ORC4: variants seen among roughly 807,000 people sequenced by gnomAD.
The protein encoded by ORC4 is origin recognition complex subunit 4.
ORC4 carries 55 observed loss-of-function variants against 63.9 expected under a neutral mutation model. That is an observed-to-expected ratio of 0.86 (90% confidence interval 0.69 to 1.08). The LOEUF is 1.08. Among genes scored for constraint, ORC4 ranks in the 50% least tolerant of loss-of-function variants. ORC4 has a pLI of 0.00. For synonymous variants in ORC4, 150 were observed against 168.5 expected (o/e 0.89, Z 0.85); for missense variants, 511 against 504.4 (o/e 1.01, Z -0.13).
chr2:147,990,244 C>G (rs1691501849), intron 1 of ORC4, among the ~76,000 whole-genome samples: 2 of 152,160 alleles, frequency 1.3e-5, no homozygotes. Context: ...GCTAGCTAAA[C>G]AGTCAAATAA....
chr2:147,964,759 C>CT (rs754114483), intron 4 of ORC4, among the ~76,000 whole-genome samples: 1 of 150,822 alleles, frequency 6.6e-6, no homozygotes, highest in Non-Finnish European at 1.5e-5. Context: ...TAGCAGATTT[C>CT]TTTTTTTTAA....
At chr2:147,996,344 C>T (rs1478012203) in intron 1 of ORC4, among the ~76,000 whole-genome samples, 1 of 152,014 alleles carries the variant, frequency 6.6e-6, no homozygotes, top group African/African-American at 2.4e-5. Flanking sequence ...AAAAATGTAA[C>T]ACAAAAGAAA....
At chr2:147,968,211 A>G (rs1345165419) in intron 4 of ORC4, among the ~76,000 whole-genome samples, 1 of 152,104 alleles carries the variant, frequency 6.6e-6, no homozygotes, top group Non-Finnish European at 1.5e-5. Context: ...ACATAGGGGT[A>G]ATACTTCAGG....
At chr2:147,965,603 T>G (rs910912608) in intron 4 of ORC4, among the ~76,000 whole-genome samples, 1 of 152,182 alleles carries the variant, frequency 6.6e-6, no homozygotes. Flanking sequence ...TAAAGAGAGA[T>G]AAATTGCAAT....
chr2:147,994,529 G>A (rs1452979729), intron 1 of ORC4, among the ~76,000 whole-genome samples: 1 of 152,146 alleles, frequency 6.6e-6, no homozygotes, highest in Non-Finnish European at 1.5e-5. Context: ...CCAGAAATAG[G>A]CCCACATAAA....
rs768003057 is a variant in ORC4 at position 147,972,719 on chromosome 2, C to G, written c.225+20G>C. On this transcript the variant is annotated intron_variant, in intron 4 of 13. Transcript: ENST00000392857. ...AGAATCATCACATGCCAACAAACACCAGAAATCAACAGCTTTTACCATAGT... is the reference window on the plus strand; with the variant it reads ...AGAATCATCACATGCCAACAAACACGAGAAATCAACAGCTTTTACCATAGT... The G allele has an allele frequency of 6.7e-7, 1 of 1,493,456 alleles. No individual in the cohort carries two copies. The highest frequency in any genetic ancestry group is 9.3e-7 in the Non-Finnish European group (1 of 1,073,826). The allele number at this position is 1,493,456 out of a possible 1,614,324, so 92.5% of individuals were successfully genotyped here. A position where few individuals can be genotyped will look rare whatever the true frequency, so the allele number is the denominator to read the frequency against.
At chr2:147,936,332 T>G (rs1278541895) in intron 13 of ORC4, 1 of 152,784 alleles carries the variant, frequency 6.5e-6, no homozygotes, top group Non-Finnish European at 1.5e-5. Flanking sequence ...AATAGGGCTC[T>G]TTCTTGTCTA....
At chr2:147,991,741 T>C (rs1558866926) in intron 1 of ORC4, among the ~76,000 whole-genome samples, 1 of 152,060 alleles carries the variant, frequency 6.6e-6, no homozygotes, top group Non-Finnish European at 1.5e-5. Flanking sequence ...GACAGGAGAA[T>C]CGCTTGAACC....
chr2:148,021,530 C>T, upstream of ORC4: 2 of 566,808 alleles, frequency 3.5e-6, no homozygotes, highest in Admixed American at 4.4e-5. Context: ...CTGCTTGGCC[C>T]TGGCTGGAGA....
chr2:147,967,868 T>G (rs976069339), intron 4 of ORC4, among the ~76,000 whole-genome samples: 1 of 152,074 alleles, frequency 6.6e-6, no homozygotes, highest in Non-Finnish European at 1.5e-5. Flanking sequence ...GGAATAAGGC[T>G]GGAGTCAACA....
chr2:147,957,906 C>T (rs957226511), intron 6 of ORC4, among the ~76,000 whole-genome samples: 13 of 152,204 alleles, frequency 8.5e-5, no homozygotes, highest in African/African-American at 3.1e-4. Flanking sequence ...AAATTTAGCA[C>T]ATTTTCTACT....
Position 147,932,395 on chromosome 2 carries a change from GATT to G in ORC4, c.*3112_*3114del, listed in dbSNP as rs1687819101. ...GCCATACTGCCCAAGGTAATTTACA[GATT>G]CAATGCCATCCCCATCAAGCTACCA... On this transcript the variant is annotated 3_prime_UTR_variant, in exon 14 of 14. Transcript: ENST00000392857. 2 of 152,098 alleles carry G rather than the reference GATT, an allele frequency of 1.3e-5. No individual in the cohort carries two copies. The highest frequency in any genetic ancestry group is 2.4e-5 in the African/African-American group (1 of 41,402). The allele number at this position is 152,098 out of a possible 1,614,324, so 9.4% of individuals were successfully genotyped here.
Position 147,933,930 on chromosome 2 carries a change from A to C in ORC4, c.*1580T>G, listed in dbSNP as rs1342728312. 1 of 152,172 alleles carries C rather than the reference A, an allele frequency of 6.6e-6. No homozygotes were observed. Among genetic ancestry groups the C allele is most frequent in the African/African-American group, 2.4e-5 (1 of 41,444 alleles). 9.4% of individuals were successfully genotyped at this position (152,172 alleles called of 1,614,324 possible). On this transcript the variant is annotated 3_prime_UTR_variant, in exon 14 of 14. Transcript: ENST00000392857. ...GCAGGGAAGGAAAGGCTATGTATGC[A>C]AAAGAATAGGTTGTAACTACTGAAG...
At chr2:148,011,370 AAGTGTATTGTCATTTC>A (rs1692957655) in intron 1 of ORC4, among the ~76,000 whole-genome samples, 1 of 152,212 alleles carries the variant, frequency 6.6e-6, no homozygotes, top group East Asian at 1.9e-4. Context: ...GAAGGACACA[AAGTGTATTGTCATTTC>A]AATAGATGCC....
At chr2:148,010,891 T>C (rs1316974819) in intron 1 of ORC4, among the ~76,000 whole-genome samples, 1 of 149,750 alleles carries the variant, frequency 6.7e-6, no homozygotes, top group Non-Finnish European at 1.5e-5. Context: ...TCTCACTCTG[T>C]TGCCCAGGTG....
At chr2:147,938,569 C>A (rs970127339) in intron 11 of ORC4, 176 bp from the exon 12 acceptor site, 2 of 569,008 alleles carry the variant, frequency 3.5e-6, no homozygotes, top group Non-Finnish European at 6.2e-6. Flanking sequence ...TACTTAACCT[C>A]CCTGAGCTTA....
chr2:147,951,436 C>A (rs1177545879), intron 8 of ORC4: 1 of 152,096 alleles, frequency 6.6e-6, no homozygotes, highest in East Asian at 1.9e-4. Flanking sequence ...AGATTTAATG[C>A]CTTCTTACTG....
intron 1 of ORC4, among the ~76,000 whole-genome samples, chr2:147,995,329 G>A (rs1239633370): frequency 6.6e-6 from 1 of 152,202 alleles, no homozygotes; most frequent in Non-Finnish European, 1.5e-5. Flanking sequence ...GCACCACTCA[G>A]CGCTCTGTAA....
At chr2:147,939,367 G>A (rs969525646) in intron 10 of ORC4, 119 bp from the exon 11 acceptor site, 1 of 688,584 alleles carries the variant, frequency 1.5e-6, no homozygotes, top group Non-Finnish European at 2.7e-6. Flanking sequence ...TTAATGCTTA[G>A]GAAGGTATTC....
Sources: allele counts gnomAD v4.1 joint callset (sites outside exome capture counted in the v4.1 genomes callset), GRCh38; gene constraint gnomAD v4.1.1; transcripts MANE v1.5; gene names NCBI Gene and HGNC (gene_info 2026-07-23, HGNC 2026-07-21).